Variants in VPS35L observed in about 807,000 individuals in gnomAD.
The protein encoded by VPS35L is VPS35 endosomal protein sorting factor like.
In VPS35L, 83 loss-of-function variants were observed where a neutral mutation model predicts 133.0. That is an observed-to-expected ratio of 0.62 (90% CI 0.52 to 0.75). The LOEUF is 0.75. VPS35L is among the 30% of genes least tolerant of loss of function. The pLI is 0.00. For synonymous variants in VPS35L, 423 were observed against 449.9 expected, an observed-to-expected ratio of 0.94 and a Z score of 0.76; for missense variants, 1,083 against 1,206.8, an observed-to-expected ratio of 0.90 and a Z score of 1.52.
At chr16:19,559,174 C>T (rs765266416) in intron 1 of VPS35L, among the ~76,000 whole-genome samples, 1 of 152,076 alleles carries the variant, frequency 6.6e-6, no homozygotes, top group African/African-American at 2.4e-5. Flanking sequence ...TCTGTGTATC[C>T]ATATTATCAG....
At chr16:19,675,794 C>T (rs1189861362) in intron 27 of VPS35L, among the ~76,000 whole-genome samples, 1 of 151,956 alleles carries the variant, frequency 6.6e-6, no homozygotes, top group Non-Finnish European at 1.5e-5. Context: ...AGGTGCTCAG[C>T]CCCCCTCCGC....
intron 28 of VPS35L, among the ~76,000 whole-genome samples, chr16:19,686,387 T>A (rs1300678006): frequency 6.6e-6 from 1 of 152,154 alleles, no homozygotes; most frequent in Admixed American, 6.5e-5. Flanking sequence ...TTACACGAGG[T>A]TACAAGACAG....
intron 8 of VPS35L, among the ~76,000 whole-genome samples, chr16:19,594,051 C>T (rs1972126003): frequency 6.6e-6 from 1 of 152,196 alleles, no homozygotes; most frequent in South Asian, 2.1e-4. Context: ...CTACTTTCTC[C>T]AAGCATTCCC....
chr16:19,700,710 G>A lies in VPS35L; in HGVS notation c.*234G>A, dbSNP rs374096915. On this transcript the variant is annotated 3_prime_UTR_variant, in exon 31 of 31. Coordinates refer to ENST00000417362, the MANE Select transcript of VPS35L (RefSeq NM_020314.7). ...AAGAAGCAGTCTCTGTGTTGTCTTT[G>A]CACAAGTGGCCTTCGGTCTACTCAG... 7 of 490,190 alleles carry A rather than the reference G, an allele frequency of 1.4e-5. No homozygotes were observed. The highest frequency in any genetic ancestry group is 2.5e-5 in the Non-Finnish European group (7 of 275,994). The allele number at this position is 490,190 out of a possible 1,614,324, so 30.4% of individuals were successfully genotyped here.
Position 19,633,274 on chromosome 16 carries a change from G to A in VPS35L, c.1635+102G>A. 1 of 1,057,478 alleles carries A rather than the reference G, an allele frequency of 9.5e-7. No homozygotes were observed. Among genetic ancestry groups the A allele is most frequent in the Admixed American group, 1.7e-5 (1 of 57,590 alleles). 65.5% of individuals were successfully genotyped at this position (1,057,478 alleles called of 1,614,324 possible). A position where few individuals can be genotyped will look rare whatever the true frequency, so the allele number is the denominator to read the frequency against. On this transcript the variant is annotated intron_variant, in intron 19 of 30. Transcript: ENST00000417362. This position sits in a 1 kb window ranked among gnomAD's most constrained non-coding sequence, Gnocchi z 4.1. ...TCAGGCTATAAAGGCACATAATCCT[G>A]TGTTTGAATCATAGCTCTGCCATAT...
intron 26 of VPS35L, among the ~76,000 whole-genome samples, chr16:19,653,911 G>T (rs998995000): frequency 5.9e-5 from 9 of 152,080 alleles, no homozygotes; most frequent in African/African-American, 2.2e-4. Flanking sequence ...TAACTCATGG[G>T]GGACTTCAGT....
At chr16:19,665,521 T>C (rs1471962202) in intron 26 of VPS35L, among the ~76,000 whole-genome samples, 1 of 152,260 alleles carries the variant, frequency 6.6e-6, no homozygotes, top group Admixed American at 6.5e-5. Context: ...TCTCCTTTTT[T>C]ATGGCTGCAT....
chr16:19,585,434 T>G (rs1567401401), intron 7 of VPS35L, among the ~76,000 whole-genome samples: 1 of 146,894 alleles, frequency 6.8e-6, no homozygotes, highest in African/African-American at 2.5e-5. Context: ...TGAGACAGGG[T>G]CTCTGTCACC....
intron 10 of VPS35L, chr16:19,608,482 T>G (rs781455161): frequency 3.2e-5 from 17 of 528,110 alleles, no homozygotes; most frequent in African/African-American, 5.7e-5. Context: ...TCTTTTACTT[T>G]GAATACGATG....
At chr16:19,570,876 TATATATATATATA>T (rs1567388796) in intron 3 of VPS35L, among the ~76,000 whole-genome samples, 21 of 77,514 alleles carry the variant, frequency 2.7e-4, no homozygotes, top group Middle Eastern at 0.013. Flanking sequence ...TATATATATA[TATATATATATATA>T]TTTTTGAGAT....
intron 2 of VPS35L, among the ~76,000 whole-genome samples, chr16:19,566,483 G>A (rs997125615): frequency 6.6e-6 from 1 of 152,088 alleles, no homozygotes; most frequent in Non-Finnish European, 1.5e-5. Flanking sequence ...GCAACAGAGA[G>A]AAACTCCATC....
chr16:19,660,254 G>A (rs753948516), intron 26 of VPS35L, among the ~76,000 whole-genome samples: 1 of 152,010 alleles, frequency 6.6e-6, no homozygotes, highest in Non-Finnish European at 1.5e-5. Flanking sequence ...TTTGAACCTG[G>A]GAGGTGGAGG....
At chr16:19,576,623 A>G (rs978415701) in intron 5 of VPS35L, among the ~76,000 whole-genome samples, 11 of 152,162 alleles carry the variant, frequency 7.2e-5, no homozygotes, top group Non-Finnish European at 1.6e-4. Flanking sequence ...GAGCACAATC[A>G]TAGTTCATTG....
At chr16:19,678,220 C>T (rs1450622709) in intron 27 of VPS35L, among the ~76,000 whole-genome samples, 3 of 152,108 alleles carry the variant, frequency 2.0e-5, no homozygotes, top group Non-Finnish European at 4.4e-5. Context: ...TCCTGCAGAC[C>T]AGAAACCCAG....
At position 19,699,601 on chromosome 16, in the gene VPS35L, C is replaced by T; in HGVS notation, c.2746C>T (p.Leu916=). ...CAAGCTCAACCAGCTCTCCGTCAAC[C>T]TGTGGCACCTGGCACAGAGGCACGG... ...NNKLNQLSVN[L]WHLAQRHGCA... is the part of the protein sequence containing the mutation. The change falls in exon 30 of 31, where the codon CTG becomes TTG. Residue 916 remains leucine, a synonymous_variant. Coordinates refer to ENST00000417362, the MANE Select transcript of VPS35L (RefSeq NM_020314.7). The surrounding 1 kb of genome is among the most constrained non-coding windows in gnomAD (Gnocchi z 4.2). 6.2e-7 allele frequency: 1 copy of T among 1,614,136 alleles called. No individual in the cohort carries two copies. The highest frequency in any genetic ancestry group is 8.5e-7 in the Non-Finnish European group (1 of 1,180,038).
At chr16:19,684,406 G>T (rs1031799730) in intron 28 of VPS35L, among the ~76,000 whole-genome samples, 7 of 152,200 alleles carry the variant, frequency 4.6e-5, no homozygotes, top group Non-Finnish European at 1.0e-4. Flanking sequence ...CACATTAGCA[G>T]TGCTTAAGGG....
At chr16:19,640,594 G>C (rs1973757688) in intron 21 of VPS35L, among the ~76,000 whole-genome samples, 1 of 152,186 alleles carries the variant, frequency 6.6e-6, no homozygotes, top group Admixed American at 6.5e-5. Context: ...GCTGACTAAT[G>C]TGTGATCAGT....
chr16:19,646,521 C>A (rs113172921), intron 23 of VPS35L, among the ~76,000 whole-genome samples: 1 of 151,784 alleles, frequency 6.6e-6, no homozygotes, highest in Non-Finnish European at 1.5e-5. Context: ...CAAAATTAGC[C>A]GGGTGTTGTG....
chr16:19,590,568 A>G (rs577182924), intron 7 of VPS35L, among the ~76,000 whole-genome samples: 2 of 152,246 alleles, frequency 1.3e-5, no homozygotes, highest in South Asian at 2.1e-4. Context: ...AAGATAATCA[A>G]AGGTGTTTGG....
Sources: allele counts gnomAD v4.1 joint callset (sites outside exome capture counted in the v4.1 genomes callset), GRCh38; gene constraint gnomAD v4.1.1; non-coding constraint Gnocchi (gnomAD v3.1); transcripts MANE v1.5; gene names NCBI Gene and HGNC (gene_info 2026-07-23, HGNC 2026-07-21).